The following SSH1 variants were observed in gnomAD, a reference collection of about 807,000 sequenced individuals.
SSH1 encodes slingshot protein phosphatase 1.
In SSH1, 43 loss-of-function variants were observed where a neutral mutation model predicts 79.7. The ratio of observed to expected loss-of-function variants is 0.54; its 90% CI spans 0.42 to 0.70. The LOEUF is 0.70. SSH1 is among the 30% of genes least tolerant of loss of function. The pLI is 0.00. For synonymous variants in SSH1, 599 were observed against 538.3 expected, an observed-to-expected ratio of 1.11 and a Z score of -1.56; for missense variants, 1,206 against 1,358.8, an observed-to-expected ratio of 0.89 and a Z score of 1.77.
At chr12:108,796,446 A>G (rs1174036188) in intron 13 of SSH1, among the ~76,000 whole-genome samples, 1 of 152,218 alleles carries the variant, frequency 6.6e-6, no homozygotes, top group Non-Finnish European at 1.5e-5. Context: ...GGAAACATAC[A>G]GTAGTTCTTT....
chr12:108,811,370 C>T (rs2037586163), intron 5 of SSH1, 42 bp from the exon 6 acceptor site: 1 of 1,592,384 alleles, frequency 6.3e-7, no homozygotes. Flanking sequence ...AGCGTCTACC[C>T]ACCTACGTGT....
chr12:108,841,511 A>T (rs1016654432), intron 2 of SSH1, among the ~76,000 whole-genome samples: 1 of 152,028 alleles, frequency 6.6e-6, no homozygotes, highest in Admixed American at 6.6e-5. Context: ...TTTTCTAATT[A>T]AAAAAAATAT....
intron 13 of SSH1, among the ~76,000 whole-genome samples, chr12:108,793,363 T>C (rs73410913): frequency 0.036 from 5,492 of 152,094 alleles, 106 homozygotes; most frequent in Non-Finnish European, 0.045. Flanking sequence ...TTTTAAACAA[T>C]TTCTTCTACT....
In SSH1 at chr12:108,800,740, G is replaced by A. The variant is rs748483928; in HGVS notation, c.1148+40C>T. 3.1e-6 allele frequency: 5 copies of A among 1,606,846 alleles called. No homozygotes were observed. In the South Asian group the frequency reaches 4.4e-5, roughly 14 times the overall value. ...CATTCCCACTCTCCCAGCCTCAGCAGGTTGGTTTCATCCTCAGCCCCGCCT... is the reference window on the plus strand; with the variant it reads ...CATTCCCACTCTCCCAGCCTCAGCAAGTTGGTTTCATCCTCAGCCCCGCCT... On this transcript the variant is annotated intron_variant, in intron 12 of 14. Coordinates refer to ENST00000326495, the MANE Select transcript of SSH1 (RefSeq NM_018984.4).
In SSH1 at chr12:108,787,788, A is replaced by G; in HGVS notation, c.*200T>C. Reference sequence around the variant, plus strand: ...GCGGCTCCTGGTTCTCCCAGGCCACACGACTGACAGCTCCCCTTCTTGTGC... The same window carrying G: ...GCGGCTCCTGGTTCTCCCAGGCCACGCGACTGACAGCTCCCCTTCTTGTGC... On this transcript the variant is annotated 3_prime_UTR_variant, in exon 15 of 15. Transcript: ENST00000326495. 2 of 688,248 alleles carry G rather than the reference A, an allele frequency of 2.9e-6. No individual in the cohort carries two copies. Among genetic ancestry groups the G allele is most frequent in the Non-Finnish European group, 2.4e-6 (1 of 417,308 alleles). 42.6% of individuals were successfully genotyped at this position (688,248 alleles called of 1,614,324 possible). A position where few individuals can be genotyped will look rare whatever the true frequency, so the allele number is the denominator to read the frequency against.
intron 5 of SSH1, among the ~76,000 whole-genome samples, chr12:108,813,997 G>T (rs773359577): frequency 1.3e-5 from 2 of 152,150 alleles, no homozygotes; most frequent in African/African-American, 4.8e-5. Flanking sequence ...GCCGAGGAGG[G>T]TGGATCACTT....
At chr12:108,813,990 G>A (rs1479977614) in intron 5 of SSH1, among the ~76,000 whole-genome samples, 15 of 152,130 alleles carry the variant, frequency 9.9e-5, no homozygotes. Flanking sequence ...ATGGGAGGCC[G>A]AGGAGGGTGG....
At chr12:108,844,268 A>AG (rs2038845602) in intron 2 of SSH1, among the ~76,000 whole-genome samples, 4 of 151,426 alleles carry the variant, frequency 2.6e-5, no homozygotes, top group African/African-American at 2.4e-5. Context: ...CCAAAATCAT[A>AG]GAAAAAAAAA....
rs549565162 is a variant in SSH1 at position 108,807,213 on chromosome 12, C to T, written c.731+420G>A. Among the ~76,000 whole-genome samples the T allele has an allele frequency of 8.5e-4, 129 of 152,238 alleles. No homozygotes were observed. Among genetic ancestry groups the T allele is most frequent in the Non-Finnish European group, 1.6e-3 (106 of 68,002 alleles). ...CCCTCACCAGTTGTGTTTTTGGATC[C>T]AAGGAAGCAGAGGACACATTCCTAA... On this transcript the variant is annotated intron_variant, in intron 8 of 14. Transcript: ENST00000326495. The surrounding 1 kb of genome is among the most constrained non-coding windows in gnomAD (Gnocchi z 5.2).
rs1429131652 is a variant in SSH1, at chr12:108,783,630, G to A, written c.*4358C>T. On this transcript the variant is annotated 3_prime_UTR_variant, in exon 15 of 15. Transcript: ENST00000326495. ...ACGGCAGTCTCTCCAGAACCACCCA[G>A]GGCGGCACTGGTCACAGTTTCATTC... The A allele has an allele frequency of 2.0e-5, 3 of 152,176 alleles. No individual in the cohort carries two copies. The highest frequency in any genetic ancestry group is 4.4e-5 in the Non-Finnish European group (3 of 68,048). 9.4% of individuals were successfully genotyped at this position (152,176 alleles called of 1,614,324 possible). A position where few individuals can be genotyped will look rare whatever the true frequency, so the allele number is the denominator to read the frequency against.
In SSH1 at chr12:108,807,892, G is replaced by C; in HGVS notation, c.537-65C>G. Reference sequence around the variant, plus strand: ...CAAGAGATGCAGGGTTTTCTCCTCTGACAAAGGGGTTCAAATACGGGAAGG... The same window carrying C: ...CAAGAGATGCAGGGTTTTCTCCTCTCACAAAGGGGTTCAAATACGGGAAGG... On this transcript the variant is annotated intron_variant, in intron 7 of 14. Coordinates refer to ENST00000326495, the MANE Select transcript of SSH1 (RefSeq NM_018984.4). The surrounding 1 kb of genome is among the most constrained non-coding windows in gnomAD (Gnocchi z 5.2). 6.9e-7 allele frequency: 1 copy of C among 1,459,034 alleles called. No individual in the cohort carries two copies. Among genetic ancestry groups the C allele is most frequent in the Non-Finnish European group, 9.6e-7 (1 of 1,045,004 alleles). 90.4% of individuals were successfully genotyped at this position (1,459,034 alleles called of 1,614,324 possible). A position where few individuals can be genotyped will look rare whatever the true frequency, so the allele number is the denominator to read the frequency against.
intron 5 of SSH1, among the ~76,000 whole-genome samples, chr12:108,814,859 C>T (rs2037811691): frequency 6.6e-6 from 1 of 152,168 alleles, no homozygotes; most frequent in Admixed American, 6.5e-5. Context: ...GGAAGAGCGC[C>T]ATGGGGGCGG....
rs778261044 is a variant in SSH1, at chr12:108,857,407, C to A, written c.69+21G>T. ...GCGGCGTCCGGCGGCCCAGGCCGGG[C>A]GCGGCGAGCCCGGGGCTCACCTCGC... On this transcript the variant is annotated intron_variant, in intron 1 of 14. Coordinates refer to ENST00000326495, the MANE Select transcript of SSH1 (RefSeq NM_018984.4). This position sits in a 1 kb window ranked among gnomAD's most constrained non-coding sequence, Gnocchi z 4.7. 3.3e-3 allele frequency: 3,419 copies of A among 1,025,376 alleles called. 9 individuals carry two copies. Among genetic ancestry groups the A allele is most frequent in the Non-Finnish European group, 3.8e-3 (3,212 of 854,336 alleles). The allele number at this position is 1,025,376 out of a possible 1,614,324, so 63.5% of individuals were successfully genotyped here. A position where few individuals can be genotyped will look rare whatever the true frequency, so the allele number is the denominator to read the frequency against.
At chr12:108,849,183 C>CA (rs1335734089) in intron 2 of SSH1, among the ~76,000 whole-genome samples, 3 of 152,162 alleles carry the variant, frequency 2.0e-5, no homozygotes, top group Non-Finnish European at 4.4e-5. Flanking sequence ...GGAAAGCTGC[C>CA]AAAGCTTTAT....
chr12:108,839,577 T>A (rs1031489507), intron 2 of SSH1, among the ~76,000 whole-genome samples: 19 of 152,292 alleles, frequency 1.2e-4, no homozygotes, highest in Middle Eastern at 3.4e-3. Flanking sequence ...AGGAATGACT[T>A]CTGTGGGCAC....
intron 2 of SSH1, among the ~76,000 whole-genome samples, chr12:108,844,992 G>A (rs1288799344): frequency 6.6e-6 from 1 of 151,058 alleles, no homozygotes; most frequent in African/African-American, 2.4e-5. Flanking sequence ...CCAGCTACTC[G>A]GGAGGCTGAG....
At chr12:108,855,757 C>G (rs117273862) in intron 1 of SSH1, among the ~76,000 whole-genome samples, 1 of 152,332 alleles carries the variant, frequency 6.6e-6, no homozygotes, top group East Asian at 1.9e-4. Flanking sequence ...CCTAACTTCT[C>G]AGTAGCAGGC....
intron 10 of SSH1, among the ~76,000 whole-genome samples, chr12:108,804,548 T>C (rs2037178891): frequency 6.6e-6 from 1 of 152,242 alleles, no homozygotes; most frequent in African/African-American, 2.4e-5. Flanking sequence ...CCAGCGGCCC[T>C]GGAGCCGTGC....
intron 13 of SSH1, among the ~76,000 whole-genome samples, chr12:108,793,081 G>A (rs141654042): frequency 5.7e-4 from 87 of 152,324 alleles, no homozygotes; most frequent in African/African-American, 1.9e-3. Context: ...TGATGACAAC[G>A]GGGAAGGAAC....
Sources: gnomAD v4.1 joint callset for allele counts (sites outside exome capture counted in the v4.1 genomes callset) on GRCh38, gnomAD v4.1.1 for gene constraint, Gnocchi (gnomAD v3.1) non-coding constraint, MANE v1.5 for transcripts, NCBI Gene and HGNC (gene_info 2026-07-23, HGNC 2026-07-21) for gene names.